Variants in PPP1R13B observed in about 807,000 individuals in gnomAD.
PPP1R13B encodes protein phosphatase 1 regulatory subunit 13B.
PPP1R13B carries 44 observed loss-of-function variants against 119.8 expected under a neutral mutation model. The ratio of observed to expected loss-of-function variants is 0.37; its 90% confidence interval spans 0.29 to 0.47. PPP1R13B has a LOEUF of 0.47. Among genes scored for constraint, PPP1R13B ranks in the 20% least tolerant of loss-of-function variants. PPP1R13B has a pLI of 0.99. For missense variants in PPP1R13B, 1,227 were observed against 1,413.5 expected (o/e 0.87, Z 2.12); for synonymous variants, 542 against 561.5 (o/e 0.97, Z 0.49).
At chr14:103,750,495 T>C (rs2084512603) in intron 7 of PPP1R13B, among the ~76,000 whole-genome samples, 1 of 152,228 alleles carries the variant, frequency 6.6e-6, no homozygotes, top group Non-Finnish European at 1.5e-5. Context: ...ACATACACAC[T>C]TCCGTGTGTA....
At chr14:103,789,050 A>G (rs1403405890) in intron 2 of PPP1R13B, among the ~76,000 whole-genome samples, 1 of 152,178 alleles carries the variant, frequency 6.6e-6, no homozygotes, top group African/African-American at 2.4e-5. Context: ...TATGCTAATG[A>G]CTGATTTATA....
intron 4 of PPP1R13B, among the ~76,000 whole-genome samples, chr14:103,767,541 G>A (rs1224818986): frequency 6.6e-6 from 1 of 151,928 alleles, no homozygotes; most frequent in Non-Finnish European, 1.5e-5. Context: ...ATCTCCCACT[G>A]CTGATATATA....
At chr14:103,846,368 G>A (rs572685096) in intron 1 of PPP1R13B, among the ~76,000 whole-genome samples, 84 of 152,316 alleles carry the variant, frequency 5.5e-4, no homozygotes, top group Middle Eastern at 3.4e-3. Flanking sequence ...TTCAAGTAGA[G>A]AATGCAGGGA....
At chr14:103,788,772 T>G (rs1298508744) in intron 2 of PPP1R13B, among the ~76,000 whole-genome samples, 2 of 152,162 alleles carry the variant, frequency 1.3e-5, no homozygotes, top group South Asian at 2.1e-4. Flanking sequence ...TCATGAGATA[T>G]TGTAACTGAA....
In PPP1R13B at chr14:103,742,901, AC is replaced by A. The variant is rs778748084; in HGVS notation, c.1151-79del. Reference sequence around the variant, plus strand: ...ACCTAAGAATAACACTCTGCCAGAAACAAAAACAGCACTGGGACATCCCATT... The same window carrying A: ...ACCTAAGAATAACACTCTGCCAGAAAAAAAACAGCACTGGGACATCCCATT... On this transcript the variant is annotated intron_variant, in intron 9 of 16. Transcript: ENST00000202556. The surrounding 1 kb of genome is among the most constrained non-coding windows in gnomAD (Gnocchi z 4.9). 1 of 1,512,422 alleles carries A rather than the reference AC, an allele frequency of 6.6e-7. No homozygotes were observed. Among genetic ancestry groups the A allele is most frequent in the Non-Finnish European group, 9.0e-7 (1 of 1,105,510 alleles). 93.7% of individuals were successfully genotyped at this position (1,512,422 alleles called of 1,614,324 possible). A position where few individuals can be genotyped will look rare whatever the true frequency, so the allele number is the denominator to read the frequency against.
At chr14:103,817,172 G>A (rs2086300408) in intron 1 of PPP1R13B, among the ~76,000 whole-genome samples, 1 of 152,162 alleles carries the variant, frequency 6.6e-6, no homozygotes. Context: ...CTCAGGCCTT[G>A]TGGAATCTAA....
chr14:103,764,219 T>G (rs2151995618), intron 4 of PPP1R13B: 1 of 157,826 alleles, frequency 6.3e-6, no homozygotes, highest in Middle Eastern at 3.2e-3. Flanking sequence ...TTGCACTATT[T>G]TACATTTCCA....
chr14:103,738,536 C>A lies in PPP1R13B; in HGVS notation c.2864+143G>T. On this transcript the variant is annotated intron_variant, in intron 14 of 16. Coordinates refer to ENST00000202556, the MANE Select transcript of PPP1R13B (RefSeq NM_015316.3). This position sits in a 1 kb window ranked among gnomAD's most constrained non-coding sequence, Gnocchi z 5.6. ...AAAAAAGGCAAGGAAACCCTGGCAA[C>A]AGCTGTCTTTCAAGGATGAAATGAT... is the stretch of plus-strand genomic sequence containing the variant. 7.7e-7 allele frequency: 1 copy of A among 1,306,632 alleles called. No homozygotes were observed. Among genetic ancestry groups the A allele is most frequent in the Non-Finnish European group, 1.0e-6 (1 of 958,342 alleles). 80.9% of individuals were successfully genotyped at this position (1,306,632 alleles called of 1,614,324 possible).
At chr14:103,822,571 T>G (rs2086435936) in intron 1 of PPP1R13B, among the ~76,000 whole-genome samples, 1 of 151,966 alleles carries the variant, frequency 6.6e-6, no homozygotes, top group African/African-American at 2.4e-5. Flanking sequence ...CCCAGCACTT[T>G]GGGAGTCCAA....
chr14:103,826,292 T>C (rs2086540347), intron 1 of PPP1R13B, among the ~76,000 whole-genome samples: 1 of 152,164 alleles, frequency 6.6e-6, no homozygotes. Context: ...AAAGTAAGCC[T>C]TTATAGATTT....
chr14:103,794,197 G>A (rs1288294578), intron 2 of PPP1R13B, among the ~76,000 whole-genome samples: 1 of 152,108 alleles, frequency 6.6e-6, no homozygotes, highest in African/African-American at 2.4e-5. Context: ...GGCAGCCTCA[G>A]CAAAATAATG....
chr14:103,839,388 G>C (rs1017712633), intron 1 of PPP1R13B, among the ~76,000 whole-genome samples: 1 of 151,854 alleles, frequency 6.6e-6, no homozygotes, highest in Non-Finnish European at 1.5e-5. Context: ...AGCACTTTGG[G>C]GGGTTGAGGC....
intron 2 of PPP1R13B, among the ~76,000 whole-genome samples, chr14:103,787,129 C>A (rs1387259856): frequency 6.6e-6 from 1 of 151,782 alleles, no homozygotes; most frequent in African/African-American, 2.4e-5. Flanking sequence ...GCTGGGATTG[C>A]AAAACTAATC....
chr14:103,803,959 G>C, intron 1 of PPP1R13B: 2 of 760,152 alleles, frequency 2.6e-6, no homozygotes, highest in Non-Finnish European at 3.2e-6. Context: ...GTAACAGACT[G>C]TGGCTATTTA....
At position 103,738,377 on chromosome 14, in the gene PPP1R13B, T is replaced by A; in HGVS notation, c.2864+302A>T. ...CACACGGAGCACAGAGTGTGAAGAGTCCATACGGAACATATGAGAAGGGGA... is the reference window on the plus strand; with the variant it reads ...CACACGGAGCACAGAGTGTGAAGAGACCATACGGAACATATGAGAAGGGGA... On this transcript the variant is annotated intron_variant, in intron 14 of 16. Coordinates refer to ENST00000202556, the MANE Select transcript of PPP1R13B (RefSeq NM_015316.3). The surrounding 1 kb of genome is among the most constrained non-coding windows in gnomAD (Gnocchi z 5.6). The A allele has an allele frequency of 2.4e-6, 1 of 413,580 alleles. No individual in the cohort carries two copies. Among genetic ancestry groups the A allele is most frequent in the Non-Finnish European group, 4.5e-6 (1 of 224,014 alleles). The allele number at this position is 413,580 out of a possible 1,614,324, so 25.6% of individuals were successfully genotyped here. A position where few individuals can be genotyped will look rare whatever the true frequency, so the allele number is the denominator to read the frequency against.
intron 1 of PPP1R13B, among the ~76,000 whole-genome samples, chr14:103,807,849 G>A (rs181491135): frequency 1.3e-5 from 2 of 152,140 alleles, no homozygotes; most frequent in East Asian, 3.9e-4. Context: ...GTGTTTGCCT[G>A]TTTTCTCATC....
chr14:103,828,429 T>C (rs1567155954), intron 1 of PPP1R13B, among the ~76,000 whole-genome samples: 1 of 151,384 alleles, frequency 6.6e-6, no homozygotes, highest in East Asian at 1.9e-4. Flanking sequence ...CAGTGTTACC[T>C]TTTATGTAAC....
intron 1 of PPP1R13B, among the ~76,000 whole-genome samples, chr14:103,819,086 T>G (rs1403538527): frequency 6.6e-6 from 1 of 152,024 alleles, no homozygotes; most frequent in African/African-American, 2.4e-5. Flanking sequence ...AGGGAACAAG[T>G]GCAAAGGCCC....
chr14:103,817,170 T>G (rs1450683271), intron 1 of PPP1R13B, among the ~76,000 whole-genome samples: 1 of 152,206 alleles, frequency 6.6e-6, no homozygotes, highest in Admixed American at 6.6e-5. Flanking sequence ...CCCTCAGGCC[T>G]TGTGGAATCT....
Sources: gnomAD v4.1 joint callset for allele counts (sites outside exome capture counted in the v4.1 genomes callset) on GRCh38, gnomAD v4.1.1 for gene constraint, Gnocchi (gnomAD v3.1) non-coding constraint, MANE v1.5 for transcripts, NCBI Gene and HGNC (gene_info 2026-07-23, HGNC 2026-07-21) for gene names.